Variants in TACC1 observed in about 807,000 individuals in gnomAD.
The protein encoded by TACC1 is transforming acidic coiled-coil-containing protein 1.
A neutral mutation model predicts 84.4 loss-of-function variants in TACC1; 48 were observed. The observed-to-expected ratio is 0.57, with a 90% confidence interval of 0.45 to 0.72. The LOEUF (loss-of-function observed/expected upper bound fraction) is 0.72, where lower values mean the gene tolerates loss of function less well. Ranked by LOEUF, TACC1 falls within the 30% of genes least tolerant of loss-of-function variation. The pLI, the probability that TACC1 is intolerant of heterozygous loss-of-function variation, is 0.00. For synonymous variants in TACC1, 372 were observed against 376.3 expected, an observed-to-expected ratio of 0.99 and a Z score of 0.13; for missense variants, 920 against 973.0, an observed-to-expected ratio of 0.95 and a Z score of 0.72.
In TACC1 at chr8:38,851,674, CTTTCTGACTTGCA is replaced by C. The variant is rs1332237451; in HGVS notation, c.*3662_*3674del. 3.6e-6 allele frequency: 1 copy of C among 278,864 alleles called. No homozygotes were observed. Among genetic ancestry groups the C allele is most frequent in the African/African-American group, 2.2e-5 (1 of 45,146 alleles). The allele number at this position is 278,864 out of a possible 1,614,324, so 17.3% of individuals were successfully genotyped here. ...TTGTGGTCATGTGATTGTGAGCTTG[CTTTCTGACTTGCA>C]TTTCTGACTTTATCCTGTTGTTAGG... On this transcript the variant is annotated 3_prime_UTR_variant, in exon 13 of 13. Transcript: ENST00000317827.
At chr8:38,730,269 C>T (rs904558186) in intron 1 of TACC1, among the ~76,000 whole-genome samples, 1 of 152,218 alleles carries the variant, frequency 6.6e-6, no homozygotes, top group African/African-American at 2.4e-5. Flanking sequence ...CAAGGCTCAG[C>T]GAGCCAGCTG....
chr8:38,730,325 C>G (rs1374511595), intron 1 of TACC1, among the ~76,000 whole-genome samples: 1 of 152,264 alleles, frequency 6.6e-6, no homozygotes, highest in East Asian at 1.9e-4. Context: ...AGACAAGGGG[C>G]AGAGCCCCGG....
chr8:38,842,795 T>C (rs1831512156), intron 10 of TACC1, among the ~76,000 whole-genome samples: 2 of 152,198 alleles, frequency 1.3e-5, no homozygotes, highest in Admixed American at 1.3e-4. Context: ...CCTTTTCAGT[T>C]TTAGTAAAAG....
At chr8:38,745,372 A>G in exon 3 of TACC1, 2 of 608,268 alleles carry the variant, frequency 3.3e-6, no homozygotes, top group Non-Finnish European at 5.8e-6. Flanking sequence ...AGCATTCATC[A>G]TATCCAAGAT....
At chr8:38,828,682 G>T (rs1279010844) in intron 5 of TACC1, among the ~76,000 whole-genome samples, 3 of 152,156 alleles carry the variant, frequency 2.0e-5, no homozygotes, top group African/African-American at 7.2e-5. Context: ...AAGGTCTGAG[G>T]GGTTGCTTTA....
intron 1 of TACC1, chr8:38,787,962 C>G (rs927620372): frequency 1.9e-6 from 1 of 523,508 alleles, no homozygotes; most frequent in African/African-American, 2.0e-5. Flanking sequence ...AGTTCCGCAC[C>G]CAACCCAGAA....
At chr8:38,801,573 A>G (rs1183099529) in intron 2 of TACC1, among the ~76,000 whole-genome samples, 1 of 152,160 alleles carries the variant, frequency 6.6e-6, no homozygotes, top group East Asian at 1.9e-4. Flanking sequence ...TCTCTGATCT[A>G]TATGTCTCTC....
intron 2 of TACC1, among the ~76,000 whole-genome samples, chr8:38,816,887 T>C (rs1232172344): frequency 1.3e-5 from 2 of 152,170 alleles, no homozygotes; most frequent in Non-Finnish European, 2.9e-5. Flanking sequence ...CTCCCCTCCC[T>C]GGAAGGAGTG....
chr8:38,813,840 A>G (rs1824807141), intron 2 of TACC1, among the ~76,000 whole-genome samples: 1 of 152,152 alleles, frequency 6.6e-6, no homozygotes, highest in South Asian at 2.1e-4. Context: ...GTTTGAATAC[A>G]TTTGGTCTCG....
chr8:38,769,747 GGTGT>G (rs1813170000), intron 3 of TACC1, among the ~76,000 whole-genome samples: 3 of 147,256 alleles, frequency 2.0e-5, no homozygotes, highest in Admixed American at 6.8e-5. Context: ...GAAGGTGTGT[GGTGT>G]GTGTATGTGT....
chr8:38,835,004 A>C (rs1446396285), intron 6 of TACC1, among the ~76,000 whole-genome samples: 1 of 152,224 alleles, frequency 6.6e-6, no homozygotes, highest in Non-Finnish European at 1.5e-5. Flanking sequence ...CTGTAATCCC[A>C]GCACTTTGGG....
chr8:38,745,563 A>T, intron 3 of TACC1: 1 of 662,614 alleles, frequency 1.5e-6, no homozygotes, highest in Non-Finnish European at 2.7e-6. Flanking sequence ...TTGTTTTTTG[A>T]GATGGAATCT....
intron 3 of TACC1, among the ~76,000 whole-genome samples, chr8:38,757,051 G>T (rs1210390944): frequency 6.6e-6 from 1 of 152,200 alleles, no homozygotes; most frequent in East Asian, 1.9e-4. Context: ...GGGCGAGGAG[G>T]CGCCGCTGCC....
intron 1 of TACC1, among the ~76,000 whole-genome samples, chr8:38,728,998 T>G (rs1804379660): frequency 6.6e-6 from 1 of 152,210 alleles, no homozygotes; most frequent in African/African-American, 2.4e-5. Flanking sequence ...TTCTTTTCTT[T>G]TCCCTTTGCT....
chr8:38,770,262 C>G (rs564651551), intron 3 of TACC1, among the ~76,000 whole-genome samples: 1 of 152,136 alleles, frequency 6.6e-6, no homozygotes, highest in East Asian at 1.9e-4. Flanking sequence ...ACGCCCTTTA[C>G]GAAGCAGAGA....
chr8:38,731,400 T>C (rs1289120070), intron 1 of TACC1, among the ~76,000 whole-genome samples: 1 of 152,232 alleles, frequency 6.6e-6, no homozygotes, highest in Non-Finnish European at 1.5e-5. Flanking sequence ...AGGATGATAA[T>C]AACAGTACCT....
At chr8:38,775,220 C>T (rs1814590582) in intron 3 of TACC1, among the ~76,000 whole-genome samples, 1 of 152,084 alleles carries the variant, frequency 6.6e-6, no homozygotes, top group South Asian at 2.1e-4. Context: ...ACCTTCCTTG[C>T]AAGGGTTATG....
At chr8:38,765,780 C>A (rs1036249848) in intron 3 of TACC1, among the ~76,000 whole-genome samples, 1 of 151,956 alleles carries the variant, frequency 6.6e-6, no homozygotes, top group South Asian at 2.1e-4. Context: ...GGGACATATG[C>A]CGAAAAGTCA....
chr8:38,740,969 T>C (rs527257256), intron 1 of TACC1, among the ~76,000 whole-genome samples: 1 of 152,282 alleles, frequency 6.6e-6, no homozygotes, highest in African/African-American at 2.4e-5. Flanking sequence ...GGCTCGCGAG[T>C]ATCCTAAAGT....
Sources: allele counts gnomAD v4.1 joint callset (sites outside exome capture counted in the v4.1 genomes callset), GRCh38; gene constraint gnomAD v4.1.1; transcripts MANE v1.5; gene names NCBI Gene and HGNC (gene_info 2026-07-23, HGNC 2026-07-21).